Variants in TDRD12 observed in about 807,000 individuals in gnomAD.
TDRD12 encodes putative ATP-dependent RNA helicase TDRD12.
Under a neutral mutation model 133.5 loss-of-function variants are expected in TDRD12, and 158 were observed. That is an observed-to-expected ratio of 1.18 (90% CI 1.04 to 1.35). The LOEUF is 1.35. Among genes scored for constraint, TDRD12 ranks in the 40% most tolerant of loss-of-function variants. The probability of loss-of-function intolerance (pLI) is 0.00; values close to 1 mark genes in which losing one functional copy is unlikely to be tolerated. For synonymous variants in TDRD12, 460 were observed against 477.9 expected (o/e 0.96, Z 0.49); for missense variants, 1,443 against 1,321.3 (o/e 1.09, Z -1.43).
At chr19:32,750,973 G>A (rs1969807614) in intron 6 of TDRD12, among the ~76,000 whole-genome samples, 1 of 152,108 alleles carries the variant, frequency 6.6e-6, no homozygotes, top group Non-Finnish European at 1.5e-5. Context: ...TAAGTTTGGG[G>A]TACCTGTGCA....
intron 3 of TDRD12, among the ~76,000 whole-genome samples, chr19:32,741,600 C>T (rs929910247): frequency 6.6e-6 from 1 of 152,116 alleles, no homozygotes; most frequent in Non-Finnish European, 1.5e-5. Flanking sequence ...GTGAGAAAAT[C>T]GTATGATTAA....
exon 24 of TDRD12, chr19:32,811,329 C>T: frequency 6.5e-7 from 1 of 1,536,128 alleles, no homozygotes; most frequent in Non-Finnish European, 8.7e-7. Context: ...CTGCATCTCC[C>T]AGAACATTTC....
chr19:32,772,842 A>G (rs1480222517), exon 9 of TDRD12: 14 of 1,453,126 alleles, frequency 9.6e-6, no homozygotes, highest in Non-Finnish European at 1.3e-5. Flanking sequence ...TTTAAAAGAT[A>G]CAAATAAGGT....
chr19:32,819,995 T>C, intron 27 of TDRD12, among the ~76,000 whole-genome samples: 1 of 152,000 alleles, frequency 6.6e-6, no homozygotes, highest in Non-Finnish European at 1.5e-5. Context: ...TGGGGAAGGC[T>C]CTTGGTTTGC....
At chr19:32,775,918 T>C (rs2145610343) in intron 10 of TDRD12, among the ~76,000 whole-genome samples, 1 of 152,314 alleles carries the variant, frequency 6.6e-6, no homozygotes, top group South Asian at 2.1e-4. Flanking sequence ...TAACATTCTC[T>C]AGAGAGTGTT....
intron 1 of TDRD12, among the ~76,000 whole-genome samples, chr19:32,723,373 C>T (rs1253920471): frequency 1.3e-5 from 2 of 151,942 alleles, no homozygotes; most frequent in Non-Finnish European, 2.9e-5. Context: ...GCCTCAGCCT[C>T]CCAAGTAGCT....
intron 1 of TDRD12, among the ~76,000 whole-genome samples, chr19:32,726,075 C>A (rs1968849361): frequency 6.6e-6 from 1 of 151,710 alleles, no homozygotes; most frequent in Non-Finnish European, 1.5e-5. Context: ...GTATTAAATA[C>A]ATTCATAATT....
intron 1 of TDRD12, among the ~76,000 whole-genome samples, chr19:32,726,256 A>G (rs1968856639): frequency 6.6e-6 from 1 of 151,642 alleles, no homozygotes; most frequent in Non-Finnish European, 1.5e-5. Context: ...AATTTTTTGT[A>G]TTTTTAGTAG....
intron 27 of TDRD12, among the ~76,000 whole-genome samples, chr19:32,820,376 G>C: frequency 6.6e-6 from 1 of 152,160 alleles, no homozygotes; most frequent in East Asian, 1.9e-4. Context: ...GAGCAGGGGT[G>C]AGAGGAGCTT....
chr19:32,727,150 G>C (rs952495371), intron 1 of TDRD12, among the ~76,000 whole-genome samples: 24 of 152,022 alleles, frequency 1.6e-4, no homozygotes, highest in African/African-American at 5.1e-4. Context: ...GGTTTTTTTT[G>C]ACAGTAGTTA....
intron 11 of TDRD12, among the ~76,000 whole-genome samples, chr19:32,783,586 T>G (rs995440948): frequency 6.7e-6 from 1 of 149,896 alleles, no homozygotes; most frequent in Non-Finnish European, 1.5e-5. Context: ...TCGATTCTTC[T>G]GATCCATGAG....
intron 4 of TDRD12, among the ~76,000 whole-genome samples, chr19:32,746,872 T>C (rs1013025780): frequency 6.8e-6 from 1 of 147,476 alleles, no homozygotes; most frequent in African/African-American, 2.5e-5. Flanking sequence ...GATGTGGTTA[T>C]TCTGTGTGTG....
intron 3 of TDRD12, among the ~76,000 whole-genome samples, chr19:32,739,836 ACTCTCTGCATCTCCTGGTGTG>A (rs1599841840): frequency 1.1e-4 from 7 of 64,586 alleles, no homozygotes; most frequent in African/African-American, 1.3e-4. Flanking sequence ...TCTCCTGGGC[ACTCTCTGCATCTCCTGGTGTG>A]CTCTCTGCAT....
At chr19:32,819,558 C>G (rs533623478) in intron 27 of TDRD12, among the ~76,000 whole-genome samples, 1 of 152,208 alleles carries the variant, frequency 6.6e-6, no homozygotes, top group South Asian at 2.1e-4. Context: ...GAGCCCCAGC[C>G]CTGTGTAAAG....
chr19:32,757,409 T>C (rs1970027822), intron 8 of TDRD12, among the ~76,000 whole-genome samples: 1 of 152,208 alleles, frequency 6.6e-6, no homozygotes, highest in African/African-American at 2.4e-5. Flanking sequence ...TGTCTGTCCC[T>C]AGAGTGTACA....
At chr19:32,819,491 A>G (rs1599629795) in intron 27 of TDRD12, among the ~76,000 whole-genome samples, 1 of 152,136 alleles carries the variant, frequency 6.6e-6, no homozygotes, top group Non-Finnish European at 1.5e-5. Flanking sequence ...GATGTCATTA[A>G]ACTTTAGTAG....
At chr19:32,722,457 A>G (rs1968714288) in intron 1 of TDRD12, among the ~76,000 whole-genome samples, 1 of 152,106 alleles carries the variant, frequency 6.6e-6, no homozygotes, top group Admixed American at 6.6e-5. Context: ...TGTCTCCCCA[A>G]GTGCTGTGTA....
At chr19:32,729,464 G>A (rs990451363) in intron 1 of TDRD12, among the ~76,000 whole-genome samples, 16 of 151,516 alleles carry the variant, frequency 1.1e-4, no homozygotes, top group African/African-American at 2.7e-4. Context: ...TGATCCGCCC[G>A]TCTCGGCCTC....
At chr19:32,801,019 C>G (rs1333412103) in intron 18 of TDRD12, among the ~76,000 whole-genome samples, 1 of 151,852 alleles carries the variant, frequency 6.6e-6, no homozygotes, top group Non-Finnish European at 1.5e-5. Flanking sequence ...AGGGCAGTTT[C>G]GTCTTGGTGG....
Sources: gnomAD v4.1 joint callset for allele counts (sites outside exome capture counted in the v4.1 genomes callset) on GRCh38, gnomAD v4.1.1 for gene constraint, MANE v1.5 for transcripts, NCBI Gene and HGNC (gene_info 2026-07-23, HGNC 2026-07-21) for gene names.